Variants in SYBU observed in about 807,000 individuals in gnomAD.
SYBU encodes GOLSYN A protein.
A neutral mutation model predicts 35.9 loss-of-function variants in SYBU; 21 were observed. The ratio of observed to expected loss-of-function variants is 0.58; its 90% confidence interval spans 0.41 to 0.84. The LOEUF is 0.84. Among genes scored for constraint, SYBU ranks in the 40% least tolerant of loss-of-function variants. SYBU has a pLI of 0.00. For synonymous variants in SYBU, 319 were observed against 324.3 expected, an observed-to-expected ratio of 0.98 and a Z score of 0.18; for missense variants, 768 against 848.2, an observed-to-expected ratio of 0.91 and a Z score of 1.17.
intron 3 of SYBU, chr8:109,608,187 A>G (rs1826262820): frequency 2.2e-6 from 1 of 454,160 alleles, no homozygotes; most frequent in Non-Finnish European, 3.9e-6. Flanking sequence ...CAGTGTTCCA[A>G]TGAAACCATC....
intron 3 of SYBU, among the ~76,000 whole-genome samples, chr8:109,601,594 G>A (rs140206551): frequency 6.6e-6 from 1 of 152,240 alleles, no homozygotes; most frequent in African/African-American, 2.4e-5. Context: ...TTCTTAGCTA[G>A]GGTGAAGGGA....
rs767396243 is a variant in SYBU at position 109,576,064 on chromosome 8, A to C, written c.885-51T>G. On this transcript the variant is annotated intron_variant, in intron 6 of 6. Transcript: ENST00000276646. ...AATTAAAAAAAAAAAAAAAAAAAAA[A>C]AAAAAACTTTCAACTGGGCAACAGG... 199 of 1,483,726 alleles carry C rather than the reference A, an allele frequency of 1.3e-4. 1 individual carries two copies. The highest frequency in any genetic ancestry group is 2.5e-4 in the South Asian group (18 of 73,206). The allele number at this position is 1,483,726 out of a possible 1,614,324, so 91.9% of individuals were successfully genotyped here. A position where few individuals can be genotyped will look rare whatever the true frequency, so the allele number is the denominator to read the frequency against.
At chr8:109,651,012 C>T (rs1343001769) in intron 1 of SYBU, among the ~76,000 whole-genome samples, 2 of 152,186 alleles carry the variant, frequency 1.3e-5, no homozygotes, top group African/African-American at 2.4e-5. Context: ...TGGCATATGG[C>T]AAGTGAAGTT....
At chr8:109,618,672 C>T in intron 3 of SYBU, 170 bp downstream of exon 3, 1 of 641,236 alleles carries the variant, frequency 1.6e-6, no homozygotes, top group Non-Finnish European at 2.8e-6. Flanking sequence ...TTATTAAAAA[C>T]CATTTCAGAA....
At chr8:109,670,553 G>T (rs933835673) in intron 1 of SYBU, among the ~76,000 whole-genome samples, 17 of 151,846 alleles carry the variant, frequency 1.1e-4, no homozygotes, top group Non-Finnish European at 2.1e-4. Flanking sequence ...TTACTGTGAC[G>T]TTTTTCCTAT....
chr8:109,641,621 T>C (rs920288567), intron 2 of SYBU, among the ~76,000 whole-genome samples: 1 of 152,224 alleles, frequency 6.6e-6, no homozygotes, highest in Non-Finnish European at 1.5e-5. Context: ...GCTATAACTC[T>C]CCTTGATCTT....
chr8:109,687,401 A>C (rs1817545146), intron 1 of SYBU, among the ~76,000 whole-genome samples: 1 of 152,190 alleles, frequency 6.6e-6, no homozygotes, highest in Non-Finnish European at 1.5e-5. Context: ...TGGGCTTTAC[A>C]ATCTCATCTC....
intron 1 of SYBU, among the ~76,000 whole-genome samples, chr8:109,662,889 G>C (rs1206291049): frequency 6.6e-6 from 1 of 152,108 alleles, no homozygotes; most frequent in Non-Finnish European, 1.5e-5. Flanking sequence ...TGAAGGCAAA[G>C]AAAGTATATG....
At chr8:109,603,149 G>A (rs1048875586) in intron 3 of SYBU, among the ~76,000 whole-genome samples, 2 of 152,226 alleles carry the variant, frequency 1.3e-5, no homozygotes, top group Non-Finnish European at 2.9e-5. Flanking sequence ...TTCTCGAGCT[G>A]GGGCGGAAGC....
At chr8:109,672,838 T>C (rs1817035322) in intron 1 of SYBU, among the ~76,000 whole-genome samples, 1 of 152,106 alleles carries the variant, frequency 6.6e-6, no homozygotes, top group African/African-American at 2.4e-5. Flanking sequence ...TGCTGGAGCT[T>C]GGTGGGGGGA....
intron 3 of SYBU, among the ~76,000 whole-genome samples, chr8:109,589,361 TA>T (rs1823968079): frequency 1.3e-5 from 2 of 152,200 alleles, no homozygotes; most frequent in South Asian, 4.1e-4. Context: ...GGGTTGCTTG[TA>T]AAGAATGAAT....
At chr8:109,653,558 T>G in intron 1 of SYBU, among the ~76,000 whole-genome samples, 1 of 152,190 alleles carries the variant, frequency 6.6e-6, no homozygotes, top group East Asian at 1.9e-4. Flanking sequence ...ACCCTGTGGA[T>G]GAATGACACT....
At chr8:109,674,391 A>G (rs531222768) in intron 1 of SYBU, among the ~76,000 whole-genome samples, 51 of 152,290 alleles carry the variant, frequency 3.3e-4, no homozygotes, top group Middle Eastern at 6.8e-3. Context: ...CAACATTCTT[A>G]AAGAAACGAT....
Position 109,574,932 on chromosome 8 carries a change from G to A in SYBU, c.1966C>T (p.Arg656Cys), listed in dbSNP as rs1822034630. Reference sequence around the variant, plus strand: ...TAGGTTTTGATACGGAAGGCGGTGCGGCGGAGCGAATGCAGGGCAACCACG... The same window carrying A: ...TAGGTTTTGATACGGAAGGCGGTGCAGCGGAGCGAATGCAGGGCAACCACG... ...CCVVALHSLRRTAFRIKT is the reference protein window; with the variant it reads ...CCVVALHSLRCTAFRIKT The change falls in exon 7 of 7, where the codon CGC becomes TGC. Residue 656 changes from arginine to cysteine, a missense_variant. Transcript: ENST00000276646. 1.5e-5 allele frequency: 23 copies of A among 1,515,328 alleles called. No individual in the cohort carries two copies. Among genetic ancestry groups the A allele is most frequent in the Non-Finnish European group, 1.9e-5 (22 of 1,132,068 alleles). The allele number at this position is 1,515,328 out of a possible 1,614,324, so 93.9% of individuals were successfully genotyped here.
intron 1 of SYBU, among the ~76,000 whole-genome samples, chr8:109,687,989 C>T (rs969267391): frequency 5.3e-5 from 8 of 152,138 alleles, no homozygotes; most frequent in African/African-American, 1.9e-4. Flanking sequence ...AATATTTTCT[C>T]TACTTACTCT....
chr8:109,634,632 A>G (rs1281181930), intron 2 of SYBU, among the ~76,000 whole-genome samples: 1 of 152,200 alleles, frequency 6.6e-6, no homozygotes, highest in Non-Finnish European at 1.5e-5. Flanking sequence ...GAATCAGGTA[A>G]CCAAATAAGA....
chr8:109,657,191 T>C (rs1334941940), intron 1 of SYBU, among the ~76,000 whole-genome samples: 1 of 152,196 alleles, frequency 6.6e-6, no homozygotes, highest in East Asian at 1.9e-4. Context: ...ACGTATAAAC[T>C]TTTCTTAACG....
At chr8:109,662,798 G>C (rs139262239) in intron 1 of SYBU, among the ~76,000 whole-genome samples, 48 of 152,154 alleles carry the variant, frequency 3.2e-4, no homozygotes, top group African/African-American at 1.1e-3. Context: ...CCAGAGTATA[G>C]GTTCCACAAA....
chr8:109,640,792 G>A (rs1586915690), intron 2 of SYBU, among the ~76,000 whole-genome samples: 1 of 125,836 alleles, frequency 7.9e-6, no homozygotes, highest in African/African-American at 3.1e-5. Flanking sequence ...AATTTGATTA[G>A]CAAATTGTTA....
Sources: allele counts gnomAD v4.1 joint callset (sites outside exome capture counted in the v4.1 genomes callset), GRCh38; gene constraint gnomAD v4.1.1; transcripts MANE v1.5; gene names NCBI Gene and HGNC (gene_info 2026-07-23, HGNC 2026-07-21).